The following NEBL variants were observed in gnomAD, a reference collection of about 807,000 sequenced individuals.
The protein encoded by NEBL is nebulette.
A neutral mutation model predicts 140.2 loss-of-function variants in NEBL; 122 were observed. The observed-to-expected ratio is 0.87, with a 90% CI of 0.75 to 1.01. The LOEUF (loss-of-function observed/expected upper bound fraction) is 1.01. Among genes scored for constraint, NEBL ranks in the 50% least tolerant of loss-of-function variants. The pLI is 0.00. For missense variants in NEBL, 1,365 were observed against 1,231.3 expected (o/e 1.11, Z -1.62); for synonymous variants, 436 against 398.9 (o/e 1.09, Z -1.11).
chr10:20,822,127 C>T (rs190299413), intron 19 of NEBL, among the ~76,000 whole-genome samples: 1 of 152,222 alleles, frequency 6.6e-6, no homozygotes, highest in Admixed American at 6.5e-5. Context: ...CAACAAATAA[C>T]AGTTATTGTA....
intron 22 of NEBL, 152 bp from the exon 23 acceptor site, chr10:20,814,195 A>T: frequency 3.0e-6 from 2 of 665,692 alleles, no homozygotes; most frequent in Non-Finnish European, 5.4e-6. Context: ...TAGAATAGCA[A>T]CCTAAAATTT....
intron 2 of NEBL, among the ~76,000 whole-genome samples, chr10:21,041,961 G>A (rs1037300204): frequency 1.3e-5 from 2 of 152,172 alleles, no homozygotes; most frequent in East Asian, 1.9e-4. Flanking sequence ...AATGAGCAGC[G>A]AGGATGACCA....
At chr10:20,940,781 A>C (rs1344648716) in intron 4 of NEBL, among the ~76,000 whole-genome samples, 5 of 152,034 alleles carry the variant, frequency 3.3e-5, no homozygotes, top group Admixed American at 2.6e-4. Context: ...AGAAATACAA[A>C]CTACCATCAG....
At chr10:20,957,738 G>T (rs1835873774) in intron 4 of NEBL, among the ~76,000 whole-genome samples, 1 of 152,138 alleles carries the variant, frequency 6.6e-6, no homozygotes, top group Non-Finnish European at 1.5e-5. Context: ...CACCATTTCA[G>T]TCAGTCTTTA....
intron 2 of NEBL, among the ~76,000 whole-genome samples, chr10:21,073,795 C>T (rs1013201908): frequency 6.6e-6 from 1 of 151,976 alleles, no homozygotes; most frequent in Non-Finnish European, 1.5e-5. Context: ...CCTACTATAG[C>T]CAGGGGCGGT....
intron 2 of NEBL, among the ~76,000 whole-genome samples, chr10:21,105,464 G>T (rs1410665648): frequency 6.6e-6 from 1 of 152,018 alleles, no homozygotes; most frequent in Non-Finnish European, 1.5e-5. Flanking sequence ...GTGATAGTTT[G>T]CTTAGAATGA....
intron 3 of NEBL, among the ~76,000 whole-genome samples, chr10:21,182,825 T>C (rs11012564): frequency 0.064 from 9,679 of 152,316 alleles, 618 homozygotes; most frequent in East Asian, 0.25. Flanking sequence ...AAATATTATT[T>C]CAATATGTGA....
intron 3 of NEBL, among the ~76,000 whole-genome samples, chr10:21,222,405 C>A (rs759447560): frequency 2.0e-5 from 3 of 151,728 alleles, no homozygotes; most frequent in Non-Finnish European, 2.9e-5. Flanking sequence ...CATTTTTTTA[C>A]TCTTCAAATC....
chr10:20,993,902 A>G (rs1837566784), intron 3 of NEBL, among the ~76,000 whole-genome samples: 1 of 152,210 alleles, frequency 6.6e-6, no homozygotes, highest in Non-Finnish European at 1.5e-5. Flanking sequence ...GGTTTATCAC[A>G]GCTTAACAGG....
chr10:20,912,147 T>G (rs559815864), intron 4 of NEBL, among the ~76,000 whole-genome samples: 1 of 152,240 alleles, frequency 6.6e-6, no homozygotes, highest in Non-Finnish European at 1.5e-5. Context: ...TGAAAATGAC[T>G]TTTAAAAATA....
chr10:20,936,487 G>T (rs1392800881), intron 4 of NEBL, among the ~76,000 whole-genome samples: 1 of 152,110 alleles, frequency 6.6e-6, no homozygotes, highest in Non-Finnish European at 1.5e-5. Flanking sequence ...TGTCACTCTG[G>T]CCCATGTCTT....
chr10:21,008,245 G>A (rs1027491507), intron 3 of NEBL, among the ~76,000 whole-genome samples: 1 of 152,144 alleles, frequency 6.6e-6, no homozygotes, highest in African/African-American at 2.4e-5. Flanking sequence ...TATATGTACA[G>A]TAGTCCCCTC....
At chr10:21,144,101 C>T (rs1839774052) in intron 2 of NEBL, among the ~76,000 whole-genome samples, 1 of 152,244 alleles carries the variant, frequency 6.6e-6, no homozygotes, top group African/African-American at 2.4e-5. Flanking sequence ...ATCTGCAGCA[C>T]TGTTTGTGCC....
At chr10:21,021,780 T>C (rs1410114742) in intron 2 of NEBL, among the ~76,000 whole-genome samples, 2 of 152,170 alleles carry the variant, frequency 1.3e-5, no homozygotes, top group African/African-American at 4.8e-5. Flanking sequence ...GTGGTAGCAA[T>C]AGTGGGCTGT....
chr10:20,914,172 T>G (rs1294144653), intron 4 of NEBL, among the ~76,000 whole-genome samples: 2 of 152,236 alleles, frequency 1.3e-5, no homozygotes, highest in East Asian at 3.8e-4. Flanking sequence ...TTTGCGCGTT[T>G]GAACTAAGAG....
chr10:21,144,413 A>ACCCCCT (rs1316737603), intron 2 of NEBL, among the ~76,000 whole-genome samples: 1 of 151,698 alleles, frequency 6.6e-6, no homozygotes, highest in Non-Finnish European at 1.5e-5. Flanking sequence ...CTCCCAAATA[A>ACCCCCT]CCCCCTCTTG....
At chr10:20,873,289 A>G (rs1845161839) in intron 5 of NEBL, among the ~76,000 whole-genome samples, 1 of 152,194 alleles carries the variant, frequency 6.6e-6, no homozygotes, top group Non-Finnish European at 1.5e-5. Context: ...TTCACTCTTC[A>G]GTCTTCTCAT....
At chr10:20,865,157 G>C (rs1844142727) in intron 7 of NEBL, among the ~76,000 whole-genome samples, 1 of 152,160 alleles carries the variant, frequency 6.6e-6, no homozygotes, top group Non-Finnish European at 1.5e-5. Flanking sequence ...TTTAAGGCCA[G>C]AATCTCACAG....
chr10:20,794,116 G>T (rs1200667356), intron 26 of NEBL, among the ~76,000 whole-genome samples: 1 of 152,302 alleles, frequency 6.6e-6, no homozygotes, highest in African/African-American at 2.4e-5. Context: ...TAATTTGGAG[G>T]TTAGCGTGCA....
Sources: allele counts gnomAD v4.1 joint callset (sites outside exome capture counted in the v4.1 genomes callset), GRCh38; gene constraint gnomAD v4.1.1; transcripts MANE v1.5; gene names NCBI Gene and HGNC (gene_info 2026-07-23, HGNC 2026-07-21).